Variants in KCNIP1 observed in about 807,000 individuals in gnomAD.
The protein encoded by KCNIP1 is potassium voltage-gated channel interacting protein 1, also known as A-type potassium channel modulatory protein KCNIP1.
A neutral mutation model predicts 33.0 loss-of-function variants in KCNIP1; 18 were observed. The observed-to-expected ratio is 0.55, with a 90% confidence interval of 0.38 to 0.81. The LOEUF (loss-of-function observed/expected upper bound fraction) is 0.81. KCNIP1 is among the 30% of genes least tolerant of loss of function. The pLI, the probability that KCNIP1 is intolerant of heterozygous loss-of-function variation, is 0.00. For synonymous variants in KCNIP1, 93 were observed against 98.3 expected, an observed-to-expected ratio of 0.95 and a Z score of 0.32; for missense variants, 238 against 271.6, an observed-to-expected ratio of 0.88 and a Z score of 0.87.
intron 1 of KCNIP1, chr5:170,484,286 C>T (rs1389895398): frequency 6.6e-6 from 1 of 152,356 alleles, no homozygotes; most frequent in African/African-American, 2.4e-5. Flanking sequence ...TGAGTCACCT[C>T]ACAAATACAG....
At chr5:170,492,007 T>G (rs1360188998) in intron 1 of KCNIP1, among the ~76,000 whole-genome samples, 1 of 152,236 alleles carries the variant, frequency 6.6e-6, no homozygotes, top group Non-Finnish European at 1.5e-5. Context: ...CTTTTCTTGC[T>G]CACGCCGACT....
chr5:170,378,609 G>A (rs1303863527), intron 1 of KCNIP1: 32 of 1,296,096 alleles, frequency 2.5e-5, no homozygotes, highest in Non-Finnish European at 3.3e-5. Flanking sequence ...TGGGAGGGCA[G>A]GTGGAGAAGG....
chr5:170,434,176 AC>A (rs747894615), intron 1 of KCNIP1, among the ~76,000 whole-genome samples: 2 of 152,316 alleles, frequency 1.3e-5, no homozygotes, highest in East Asian at 3.9e-4. Context: ...GTTTTCTATA[AC>A]ATGGGAATAA....
exon 1 of KCNIP1, chr5:170,353,628 G>A (rs1343372914): frequency 2.1e-5 from 12 of 565,650 alleles, no homozygotes; most frequent in South Asian, 4.2e-5. Flanking sequence ...AGGTCCTCCC[G>A]TGGTGAGGAC....
chr5:170,540,814 G>A lies in KCNIP1; in HGVS notation c.61+36181G>A, dbSNP rs114383989. Among the ~76,000 whole-genome samples the A allele has an allele frequency of 5.4e-3, 828 of 152,208 alleles. 11 individuals are homozygous for A. Among genetic ancestry groups the A allele is most frequent in the African/African-American group, 0.018 (768 of 41,514 alleles). On this transcript the variant is annotated intron_variant, in intron 1 of 7. Transcript: ENST00000328939. ...GTAGGCCATAGGATAGTGTGCGGCC[G>A]GTAGAATAAGAACCTCAGACACTTC...
chr5:170,534,205 G>T (rs1447263672), intron 1 of KCNIP1, among the ~76,000 whole-genome samples: 2 of 152,174 alleles, frequency 1.3e-5, no homozygotes, highest in South Asian at 2.1e-4. Context: ...CATTTTAATG[G>T]GTTGGAATGG....
At chr5:170,385,349 G>A in intron 1 of KCNIP1, 1 of 1,614,142 alleles carries the variant, frequency 6.2e-7, no homozygotes, top group Non-Finnish European at 8.5e-7. Flanking sequence ...TCGTGACCAG[G>A]ATGTAGTAGG....
chr5:170,548,183 G>C (rs1041018300), intron 1 of KCNIP1, among the ~76,000 whole-genome samples: 8 of 152,112 alleles, frequency 5.3e-5, no homozygotes, highest in African/African-American at 1.7e-4. Flanking sequence ...AATCTGCTAA[G>C]ACATTTTTAT....
At chr5:170,408,850 T>C (rs1222655731) in intron 1 of KCNIP1, among the ~76,000 whole-genome samples, 3 of 152,080 alleles carry the variant, frequency 2.0e-5, no homozygotes, top group African/African-American at 7.2e-5. Context: ...GTGGGTCTTT[T>C]TGCGTGGGTA....
chr5:170,733,782 C>A, intron 6 of KCNIP1, 54 bp from the exon 7 acceptor site: 3 of 1,440,432 alleles, frequency 2.1e-6, no homozygotes, highest in Non-Finnish European at 2.9e-6. Flanking sequence ...GGGGAGTAAG[C>A]TTTGGAATGG....
intron 1 of KCNIP1, among the ~76,000 whole-genome samples, chr5:170,611,924 T>A (rs1228237695): frequency 6.6e-6 from 1 of 152,344 alleles, no homozygotes; most frequent in South Asian, 2.1e-4. Flanking sequence ...ATATATTAAC[T>A]GAACACGAGC....
intron 1 of KCNIP1, among the ~76,000 whole-genome samples, chr5:170,480,763 C>T (rs761942787): frequency 9.9e-5 from 15 of 152,110 alleles, no homozygotes; most frequent in Non-Finnish European, 1.9e-4. Flanking sequence ...AATTTAAACC[C>T]TGCAGTTTGC....
intron 1 of KCNIP1, among the ~76,000 whole-genome samples, chr5:170,651,201 A>G (rs1319167029): frequency 1.3e-5 from 2 of 152,192 alleles, no homozygotes; most frequent in Admixed American, 1.3e-4. Context: ...GCTCCCAGAG[A>G]TAAACTAGAC....
At chr5:170,657,001 T>TC (rs1761297890) in intron 1 of KCNIP1, among the ~76,000 whole-genome samples, 1 of 144,474 alleles carries the variant, frequency 6.9e-6, no homozygotes, top group Non-Finnish European at 1.5e-5. Flanking sequence ...TCTTTCTTTT[T>TC]TTTTTTTTTT....
At chr5:170,426,027 G>A (rs961853882) in intron 1 of KCNIP1, among the ~76,000 whole-genome samples, 2 of 152,192 alleles carry the variant, frequency 1.3e-5, no homozygotes, top group Non-Finnish European at 2.9e-5. Context: ...GTTTGGCAGT[G>A]TGCTGGGGAT....
intron 1 of KCNIP1, among the ~76,000 whole-genome samples, chr5:170,709,998 G>T (rs1208221104): frequency 6.6e-6 from 1 of 152,122 alleles, no homozygotes; most frequent in Admixed American, 6.5e-5. Flanking sequence ...CTCCCAAGCA[G>T]CTGGGACTAC....
intron 1 of KCNIP1, among the ~76,000 whole-genome samples, chr5:170,660,222 C>G (rs958338034): frequency 6.6e-6 from 1 of 152,160 alleles, no homozygotes; most frequent in African/African-American, 2.4e-5. Flanking sequence ...AAACTGTTGG[C>G]TGTAAAACCA....
At chr5:170,396,578 C>G (rs554885672) in intron 1 of KCNIP1, among the ~76,000 whole-genome samples, 2 of 152,308 alleles carry the variant, frequency 1.3e-5, no homozygotes, top group African/African-American at 2.4e-5. Flanking sequence ...CAGGACATCT[C>G]AAATGGGGAT....
intron 1 of KCNIP1, among the ~76,000 whole-genome samples, chr5:170,534,408 T>G (rs1417119741): frequency 6.6e-6 from 1 of 151,536 alleles, no homozygotes; most frequent in Non-Finnish European, 1.5e-5. Context: ...ATTGCACCAC[T>G]GTACTCCAAC....
Sources: gnomAD v4.1 joint callset for allele counts (sites outside exome capture counted in the v4.1 genomes callset) on GRCh38, gnomAD v4.1.1 for gene constraint, MANE v1.5 for transcripts, NCBI Gene and HGNC (gene_info 2026-07-23, HGNC 2026-07-21) for gene names.